Variants in WDR36 observed in about 807,000 individuals in gnomAD.
The protein encoded by WDR36 is WD repeat-containing protein 36.
In WDR36, 63 loss-of-function variants were observed where a neutral mutation model predicts 112.7. The observed-to-expected ratio is 0.56, with a 90% CI of 0.46 to 0.69. The LOEUF (loss-of-function observed/expected upper bound fraction) is 0.69. Ranked by LOEUF, WDR36 falls within the 30% of genes least tolerant of loss-of-function variation. The pLI is 0.00. For synonymous variants in WDR36, 410 were observed against 362.2 expected (o/e 1.13, Z -1.50); for missense variants, 1,226 against 1,070.3 (o/e 1.15, Z -2.03).
intron 18 of WDR36, 101 bp downstream of exon 18, chr5:111,120,694 T>G: frequency 9.9e-7 from 1 of 1,005,968 alleles, no homozygotes; most frequent in Non-Finnish European, 1.6e-6. Flanking sequence ...TCAATCAAAG[T>G]GTTTTTTAAC....
At chr5:111,105,599 A>AC (rs1753208063) in intron 10 of WDR36, among the ~76,000 whole-genome samples, 1 of 151,568 alleles carries the variant, frequency 6.6e-6, no homozygotes, top group Non-Finnish European at 1.5e-5. Flanking sequence ...TACTGCTGCC[A>AC]CCCAAAAGAT....
intron 5 of WDR36, 133 bp downstream of exon 5, chr5:111,100,854 TC>T (rs1753108102): frequency 1.2e-6 from 1 of 832,152 alleles, no homozygotes; most frequent in African/African-American, 1.7e-5. Flanking sequence ...TAACAGTTGG[TC>T]CCCTGTATCA....
chr5:111,099,672 A>G (rs1753079444), intron 4 of WDR36, among the ~76,000 whole-genome samples: 1 of 151,884 alleles, frequency 6.6e-6, no homozygotes, highest in African/African-American at 2.4e-5. Flanking sequence ...ACATTCCAGC[A>G]GACTCTCTTG....
chr5:111,122,632 T>C (rs1753591014), intron 19 of WDR36, among the ~76,000 whole-genome samples: 1 of 152,194 alleles, frequency 6.6e-6, no homozygotes, highest in South Asian at 2.1e-4. Flanking sequence ...CCTAAAGGGC[T>C]CTGCTTACAC....
In WDR36 at chr5:111,110,794, A is replaced by G; in HGVS notation, c.1448A>G (p.Lys483Arg). The change falls in exon 14 of 23, where the codon AAG (lysine) becomes AGG (arginine). Residue 483 changes from lysine to arginine, a missense_variant. Physicochemically the swap from Lys to Arg is conservative, Grantham distance 26 (BLOSUM62 2). Transcript: ENST00000513710. Reference protein sequence around the residue: ...RGSFGKDQAHKGSVRGVAVDG... With the variant: ...RGSFGKDQAHRGSVRGVAVDG... The stretch of plus-strand genomic sequence containing the variant: ...TTTGACATCTACCTTACAGCTCACA[A>G]GGGATCTGTTAGAGGTGTCGCAGTG... 1 of 1,610,642 alleles carries G rather than the reference A, an allele frequency of 6.2e-7. No homozygotes were observed. Among genetic ancestry groups the G allele is most frequent in the Non-Finnish European group, 8.5e-7 (1 of 1,177,826 alleles).
intron 19 of WDR36, 83 bp downstream of exon 19, chr5:111,121,224 A>T: frequency 6.8e-7 from 1 of 1,467,864 alleles, no homozygotes; most frequent in South Asian, 1.2e-5. Context: ...CTTCTCCTAC[A>T]TTGAGGGCAT....
chr5:111,104,145 AT>A (rs1753174887), intron 7 of WDR36, 31 bp from the exon 8 acceptor site: 44 of 1,582,396 alleles, frequency 2.8e-5, no homozygotes, highest in Non-Finnish European at 3.6e-5. Context: ...ATCTAGAAGT[AT>A]TTTTCTTAAT....
chr5:111,113,004 C>T (rs995222316), intron 15 of WDR36, 70 bp from the exon 16 acceptor site: 2 of 333,280 alleles, frequency 6.0e-6, no homozygotes, highest in Admixed American at 5.8e-5. Context: ...CACATACATA[C>T]AAATATATTC....
Position 111,099,463 on chromosome 5 carries a change from G to GTTTTTTTTTTTTTTTTTTTTTT in WDR36, c.409+645_409+646insTTTTTTTTTTTTTTTTTTTTTT, listed in dbSNP as rs67437234. Among the ~76,000 whole-genome samples the GTTTTTTTTTTTTTTTTTTTTTT allele has an allele frequency of 7.2e-3, 611 of 84,484 alleles. 5 individuals are homozygous for GTTTTTTTTTTTTTTTTTTTTTT. The highest frequency in any genetic ancestry group is 0.011 in the Non-Finnish European group (422 of 40,140). 55.4% of individuals were successfully genotyped at this position (84,484 alleles called of 152,430 possible). On this transcript the variant is annotated intron_variant, in intron 4 of 22. Transcript: ENST00000513710. ...TTGGTTTTTTTTTGTTTTTTTTTTT[G>GTTTTTTTTTTTTTTTTTTTTTT]TTTTTTTTTTTTTTTTTTTTTCAGT... is the stretch of plus-strand genomic sequence containing the variant.
intron 1 of WDR36, among the ~76,000 whole-genome samples, chr5:111,092,865 G>A (rs1752897123): frequency 6.6e-6 from 1 of 152,246 alleles, no homozygotes; most frequent in Non-Finnish European, 1.5e-5. Context: ...TCAGTTGTAT[G>A]GCAGTAATAT....
chr5:111,102,972 C>G (rs920861118), intron 6 of WDR36, among the ~76,000 whole-genome samples: 1 of 151,516 alleles, frequency 6.6e-6, no homozygotes, highest in African/African-American at 2.4e-5. Context: ...TCTATACTTG[C>G]CCAATTTATA....
At chr5:111,119,646 G>T (rs1290260417) in intron 17 of WDR36, among the ~76,000 whole-genome samples, 2 of 151,642 alleles carry the variant, frequency 1.3e-5, no homozygotes, top group Non-Finnish European at 2.9e-5. Flanking sequence ...ACATCACCTG[G>T]GTTTAGAAAA....
chr5:111,124,410 A>T (rs1460114983), intron 21 of WDR36, among the ~76,000 whole-genome samples: 1 of 152,160 alleles, frequency 6.6e-6, no homozygotes, highest in Non-Finnish European at 1.5e-5. Context: ...AAGATTTTTC[A>T]TATATCTAAC....
Position 111,119,064 on chromosome 5 carries a change from T to G in WDR36, c.1848T>G (p.Ser616=). 6.2e-7 allele frequency: 1 copy of G among 1,613,704 alleles called. No homozygotes were observed. Among genetic ancestry groups the G allele is most frequent in the Non-Finnish European group, 8.5e-7 (1 of 1,179,654 alleles). The change falls in exon 17 of 23, where the codon TCT becomes TCG. Residue 616 remains serine (S), a synonymous_variant. Coordinates refer to ENST00000513710, the MANE Select transcript of WDR36 (RefSeq NM_139281.3). ...CGGCTCCTCTCAATGTTTCTATGTC[T>G]CCTACTGGAGACTTTCTGGCAACTT... ...LDSAPLNVSM[S]PTGDFLATSH...
chr5:111,112,256 T>G (rs575025039), intron 15 of WDR36, among the ~76,000 whole-genome samples: 6 of 152,002 alleles, frequency 3.9e-5, no homozygotes, highest in African/African-American at 9.7e-5. Context: ...TGCTCAGTAA[T>G]AAGTTATTCC....
intron 19 of WDR36, 66 bp downstream of exon 19, chr5:111,121,207 G>A: frequency 6.3e-7 from 1 of 1,574,988 alleles, no homozygotes; most frequent in Non-Finnish European, 8.7e-7. Context: ...TTTTTAAGCA[G>A]AGAGAACTTC....
chr5:111,119,432 C>T (rs1247964917), intron 17 of WDR36, among the ~76,000 whole-genome samples: 1 of 152,138 alleles, frequency 6.6e-6, no homozygotes, highest in African/African-American at 2.4e-5. Context: ...CATGGTTTTC[C>T]TGCCAGTATC....
chr5:111,120,296 A>G (rs1753539278), intron 17 of WDR36, among the ~76,000 whole-genome samples, 200 bp from the exon 18 acceptor site: 1 of 152,178 alleles, frequency 6.6e-6, no homozygotes, highest in Admixed American at 6.6e-5. Flanking sequence ...ATCAGGAAAG[A>G]GACTCAATAA....
At chr5:111,123,709 C>G in intron 19 of WDR36, 96 bp from the exon 20 acceptor site, 2 of 1,484,770 alleles carry the variant, frequency 1.3e-6, no homozygotes, top group Non-Finnish European at 9.2e-7. Flanking sequence ...TCCTCTTTTA[C>G]TTTTTGGTAT....
Sources: allele counts gnomAD v4.1 joint callset (sites outside exome capture counted in the v4.1 genomes callset), GRCh38; gene constraint gnomAD v4.1.1; transcripts MANE v1.5; gene names NCBI Gene and HGNC (gene_info 2026-07-23, HGNC 2026-07-21).